The following C6orf52 variants were observed in gnomAD, a reference collection of about 807,000 sequenced individuals.
C6orf52 encodes chromosome 6 open reading frame 52.
Under a neutral mutation model 16.6 loss-of-function variants are expected in C6orf52, and 16 were observed. The observed-to-expected ratio is 0.96, with a 90% CI of 0.65 to 1.46. The LOEUF is 1.46. Among genes scored for constraint, C6orf52 ranks in the 40% most tolerant of loss-of-function variants. The pLI is 0.00. For missense variants in C6orf52, 166 were observed against 182.3 expected, an observed-to-expected ratio of 0.91 and a Z score of 0.52; for synonymous variants, 53 against 61.4, an observed-to-expected ratio of 0.86 and a Z score of 0.64.
At chr6:10,679,586 AAC>A (rs1260878358) in intron 4 of C6orf52, among the ~76,000 whole-genome samples, 3,072 of 138,752 alleles carry the variant, frequency 0.022, 124 homozygotes, top group African/African-American at 0.098. Context: ...AAAAACAAAA[AAC>A]AAAAACCATA....
At chr6:10,676,433 C>G (rs1363336816) in intron 4 of C6orf52, among the ~76,000 whole-genome samples, 1 of 152,214 alleles carries the variant, frequency 6.6e-6, no homozygotes, top group East Asian at 1.9e-4. Context: ...AACTGAACTG[C>G]AGACACAGAC....
intron 4 of C6orf52, chr6:10,674,636 TTTC>T (rs1353847952): frequency 3.4e-5 from 5 of 146,844 alleles, no homozygotes; most frequent in East Asian, 3.9e-4. Flanking sequence ...TTTTTCTTTC[TTTC>T]TTTTTTTTTT....
intron 3 of C6orf52, among the ~76,000 whole-genome samples, chr6:10,686,430 G>T (rs532556276): frequency 4.6e-5 from 7 of 151,998 alleles, no homozygotes; most frequent in Non-Finnish European, 7.4e-5. Flanking sequence ...GGGTGTGTGT[G>T]GGGGGGAACT....
chr6:10,685,629 C>A (rs1447215661), intron 3 of C6orf52, among the ~76,000 whole-genome samples: 1 of 152,284 alleles, frequency 6.6e-6, no homozygotes, highest in African/African-American at 2.4e-5. Flanking sequence ...GTGTTAATTT[C>A]TCTAACATGT....
chr6:10,691,363 G>C (rs1233166711), intron 1 of C6orf52, among the ~76,000 whole-genome samples: 1 of 152,090 alleles, frequency 6.6e-6, no homozygotes, highest in Non-Finnish European at 1.5e-5. Context: ...ACTCTAAGGA[G>C]GTCCGTGTGA....
chr6:10,673,163 G>A (rs892712871), intron 4 of C6orf52, among the ~76,000 whole-genome samples: 2 of 152,070 alleles, frequency 1.3e-5, no homozygotes, highest in African/African-American at 2.4e-5. Context: ...TTCCTTTACC[G>A]TTATGGGCAG....
intron 4 of C6orf52, among the ~76,000 whole-genome samples, 190 bp from the exon 5 acceptor site, chr6:10,671,788 A>G (rs1004880853): frequency 1.3e-5 from 2 of 152,244 alleles, no homozygotes; most frequent in African/African-American, 4.8e-5. Flanking sequence ...TAAAAGTAGT[A>G]GTGTCATCAA....
Position 10,685,296 on chromosome 6 carries a change from ATT to A in C6orf52, c.270+1668_270+1669del, listed in dbSNP as rs538765201. 2.2e-3 allele frequency among the ~76,000 whole-genome samples: 335 copies of A among 149,446 alleles called. 2 individuals are homozygous for A. The highest frequency in any genetic ancestry group is 4.1e-3 in the Non-Finnish European group (277 of 67,194). Reference sequence around the variant, plus strand: ...AAAACCACAGGCAATGTAGTGAAAGATTTTTTTTTTAAGTGCTGCAATATCAA... The same window carrying A: ...AAAACCACAGGCAATGTAGTGAAAGATTTTTTTTAAGTGCTGCAATATCAA... On this transcript the variant is annotated intron_variant, in intron 3 of 4. Coordinates refer to ENST00000259983, the MANE Select transcript of C6orf52 (RefSeq NM_001145020.3).
chr6:10,687,434 A>G (rs1389430296), intron 2 of C6orf52, 46 bp downstream of exon 2: 1 of 1,330,374 alleles, frequency 7.5e-7, no homozygotes, highest in Non-Finnish European at 1.1e-6. Context: ...TGTAGCAAAT[A>G]GAACAGTAAC....
chr6:10,681,713 T>G (rs1033023240), intron 4 of C6orf52, among the ~76,000 whole-genome samples: 16 of 152,322 alleles, frequency 1.1e-4, no homozygotes, highest in African/African-American at 3.8e-4. Context: ...TGTCTGGAAT[T>G]ACAGAGCTAG....
intron 1 of C6orf52, among the ~76,000 whole-genome samples, chr6:10,691,834 GT>G (rs530591718): frequency 6.6e-6 from 1 of 151,134 alleles, no homozygotes; most frequent in Non-Finnish European, 1.5e-5. Flanking sequence ...AAGTTTTGGG[GT>G]TTTTTTTTCT....
chr6:10,681,575 T>G (rs1332027720), intron 4 of C6orf52, among the ~76,000 whole-genome samples: 2 of 152,220 alleles, frequency 1.3e-5, no homozygotes, highest in Non-Finnish European at 2.9e-5. Flanking sequence ...ACTTGAGTGT[T>G]TATGATATGG....
intron 1 of C6orf52, among the ~76,000 whole-genome samples, chr6:10,692,848 G>A (rs1769465248): frequency 6.6e-6 from 1 of 152,188 alleles, no homozygotes; most frequent in Admixed American, 6.5e-5. Flanking sequence ...AAGAGTGAAT[G>A]AATACAAGGA....
chr6:10,693,094 G>T (rs1561885498), intron 1 of C6orf52, among the ~76,000 whole-genome samples: 1 of 152,202 alleles, frequency 6.6e-6, no homozygotes, highest in Admixed American at 6.5e-5. Context: ...CCTATTGTAT[G>T]TAACTGCGGG....
intron 4 of C6orf52, among the ~76,000 whole-genome samples, chr6:10,682,035 C>T (rs1021316989): frequency 5.9e-5 from 9 of 152,160 alleles, no homozygotes; most frequent in Non-Finnish European, 1.3e-4. Context: ...AGGGGAGGAG[C>T]CTGGCCTTTT....
intron 3 of C6orf52, chr6:10,685,020 C>T (rs899013201): frequency 7.5e-6 from 4 of 533,466 alleles, no homozygotes; most frequent in South Asian, 7.0e-5. Flanking sequence ...AAATCCCAGA[C>T]TGTGCCAACA....
intron 1 of C6orf52, among the ~76,000 whole-genome samples, chr6:10,688,051 C>T (rs1288906539): frequency 6.6e-6 from 1 of 152,120 alleles, no homozygotes; most frequent in Non-Finnish European, 1.5e-5. Context: ...TAATTCCACG[C>T]AGGTTGAAAG....
At chr6:10,681,597 T>G in intron 4 of C6orf52, among the ~76,000 whole-genome samples, 1 of 152,224 alleles carries the variant, frequency 6.6e-6, no homozygotes, top group Non-Finnish European at 1.5e-5. Context: ...AGCAGCTGTT[T>G]AACCACCTAA....
intron 4 of C6orf52, among the ~76,000 whole-genome samples, chr6:10,681,592 C>A (rs1561873278): frequency 6.6e-6 from 1 of 152,200 alleles, no homozygotes; most frequent in Non-Finnish European, 1.5e-5. Context: ...ATGGCAGCAG[C>A]TGTTTAACCA....
Sources: allele counts gnomAD v4.1 joint callset (sites outside exome capture counted in the v4.1 genomes callset), GRCh38; gene constraint gnomAD v4.1.1; transcripts MANE v1.5; gene names NCBI Gene and HGNC (gene_info 2026-07-23, HGNC 2026-07-21).